FDFT1: variants seen among roughly 807,000 people sequenced by gnomAD.
FDFT1 encodes the protein farnesyl-diphosphate farnesyltransferase 1.
In FDFT1, 68 loss-of-function variants were observed where a neutral mutation model predicts 46.8. The observed-to-expected ratio is 1.45, with a 90% confidence interval of 1.19 to 1.78. FDFT1 has a LOEUF of 1.78. Among genes scored for constraint, FDFT1 ranks in the 40% most tolerant of loss-of-function variants. FDFT1 has a pLI of 0.00. For synonymous variants in FDFT1, 351 were observed against 185.1 expected (o/e 1.90, Z -7.28); for missense variants, 928 against 524.4 (o/e 1.77, Z -7.52).
chr8:11,826,513 C>G (rs953861470), intron 5 of FDFT1, among the ~76,000 whole-genome samples: 1 of 152,156 alleles, frequency 6.6e-6, no homozygotes, highest in Non-Finnish European at 1.5e-5. Context: ...ACAAAAAGTT[C>G]TTAGGAATGG....
rs114312743 is a variant in FDFT1, at chr8:11,806,626, G to A, written c.100-2168G>A. 9.6e-4 allele frequency among the ~76,000 whole-genome samples: 146 copies of A among 152,212 alleles called. 1 individual carries two copies. Among genetic ancestry groups the A allele is most frequent in the African/African-American group, 3.5e-3 (144 of 41,524 alleles). On this transcript the variant is annotated intron_variant, in intron 1 of 7. Coordinates refer to ENST00000220584, the MANE Select transcript of FDFT1 (RefSeq NM_004462.5). ...GAAACTCCTGGCTTAACATCACCCC[G>A]AAACTGTTAGTTGGACTGAACATGA... is the stretch of plus-strand genomic sequence containing the variant.
chr8:11,839,243 C>T lies in FDFT1; in HGVS notation c.*634C>T, dbSNP rs1456947963. ...TTTTGACCTTTTAGAAGATTGGTCT[C>T]CAGTAAAGGTGGACATTTTTGAGAT... On this transcript the variant is annotated 3_prime_UTR_variant, in exon 8 of 8. Coordinates refer to ENST00000220584, the MANE Select transcript of FDFT1 (RefSeq NM_004462.5). The T allele has an allele frequency of 6.6e-6, 1 of 152,374 alleles. No homozygotes were observed. 9.4% of individuals were successfully genotyped at this position (152,374 alleles called of 1,614,324 possible).
upstream of FDFT1, among the ~76,000 whole-genome samples, chr8:11,798,309 A>G (rs1805770564): frequency 6.6e-6 from 1 of 152,118 alleles, no homozygotes; most frequent in East Asian, 1.9e-4. Flanking sequence ...ATCCGCCTGC[A>G]TTGGTCTTCC....
chr8:11,805,332 A>G (rs567358133), intron 1 of FDFT1, among the ~76,000 whole-genome samples: 1 of 152,226 alleles, frequency 6.6e-6, no homozygotes, highest in Non-Finnish European at 1.5e-5. Context: ...CTTGATTTAC[A>G]CTGAATTTTT....
chr8:11,817,299 A>C (rs866036811), intron 3 of FDFT1, among the ~76,000 whole-genome samples: 37 of 152,242 alleles, frequency 2.4e-4, no homozygotes, highest in African/African-American at 6.8e-4. Context: ...TTTCGCATCA[A>C]CGTTCATCAG....
intron 4 of FDFT1, among the ~76,000 whole-genome samples, chr8:11,823,032 G>A (rs151207445): frequency 0.014 from 2,087 of 152,166 alleles, 52 homozygotes; most frequent in African/African-American, 0.046. Flanking sequence ...ACGGCTCCCC[G>A]CAGCCTCAAC....
At chr8:11,801,636 A>G, upstream of FDFT1, 1 of 216,740 alleles carries the variant, frequency 4.6e-6, no homozygotes, top group Non-Finnish European at 9.3e-6. Flanking sequence ...GACAGGTTTT[A>G]AAAGGATTAC....
At position 11,821,785 on chromosome 8, in the gene FDFT1, C is replaced by T; in HGVS notation, c.417C>T (p.Tyr139=). ...AGTTTAGAAATCTGGCTGAGAAATA[C>T]CAAACAGTGATTGCCGACATTTGCC... The part of the protein sequence containing the change: ...SLEFRNLAEK[Y]QTVIADICRR... The change falls in exon 4 of 8, where the codon TAC becomes TAT. Residue 139 remains tyrosine (Y), a synonymous_variant. Coordinates refer to ENST00000220584, the MANE Select transcript of FDFT1 (RefSeq NM_004462.5). 1.9e-6 allele frequency: 3 copies of T among 1,613,512 alleles called. No individual in the cohort carries two copies. The highest frequency in any genetic ancestry group is 2.5e-6 in the Non-Finnish European group (3 of 1,179,592).
chr8:11,820,772 T>TCACGC (rs1468778232), intron 3 of FDFT1, among the ~76,000 whole-genome samples: 1 of 152,184 alleles, frequency 6.6e-6, no homozygotes, highest in East Asian at 1.9e-4. Flanking sequence ...GTACAGTCAC[T>TCACGC]CACGCCTTTC....
chr8:11,802,709 A>G (rs2066324681), upstream of FDFT1: 5 of 748,418 alleles, frequency 6.7e-6, no homozygotes, highest in African/African-American at 5.3e-5. Context: ...GCGTCGCCGT[A>G]CTAGGCCTGC....
chr8:11,815,763 A>ATAC (rs573936807), intron 3 of FDFT1, among the ~76,000 whole-genome samples: 173 of 152,222 alleles, frequency 1.1e-3, no homozygotes, highest in African/African-American at 4.0e-3. Flanking sequence ...TAGATTCTGG[A>ATAC]TACTACCCTT....
chr8:11,824,316 C>T (rs17756892), intron 4 of FDFT1, among the ~76,000 whole-genome samples: 80,235 of 151,450 alleles, frequency 0.53, 22,580 homozygotes, highest in East Asian at 0.78. Flanking sequence ...ATTGCTGTCG[C>T]GGAAAAAAAA....
intron 3 of FDFT1, among the ~76,000 whole-genome samples, chr8:11,810,718 C>T (rs114944193): frequency 0.013 from 2,051 of 152,130 alleles, 47 homozygotes; most frequent in African/African-American, 0.047. Context: ...TCTTCCATAT[C>T]TTATAAATAA....
At chr8:11,797,992 T>G (rs1355457813), upstream of FDFT1, 1 of 152,284 alleles carries the variant, frequency 6.6e-6, no homozygotes. Context: ...GCCAGAAGGC[T>G]TGATTTCCTT....
chr8:11,814,714 C>G (rs190336820), intron 3 of FDFT1, among the ~76,000 whole-genome samples: 26 of 152,206 alleles, frequency 1.7e-4, no homozygotes, highest in African/African-American at 5.8e-4. Flanking sequence ...GGCAGCATGC[C>G]TCATACTGAG....
upstream of FDFT1, chr8:11,802,099 C>A: frequency 4.4e-6 from 2 of 455,006 alleles, no homozygotes; most frequent in Admixed American, 4.7e-5. Context: ...TAAGCTGGAT[C>A]TCAAGTAAAC....
chr8:11,813,005 T>A (rs1807948823), intron 3 of FDFT1, among the ~76,000 whole-genome samples: 1 of 151,400 alleles, frequency 6.6e-6, no homozygotes, highest in Admixed American at 6.6e-5. Flanking sequence ...GCATAGCTAC[T>A]ACAGACGTAG....
intron 5 of FDFT1, among the ~76,000 whole-genome samples, chr8:11,826,711 A>T (rs1563330936): frequency 6.6e-6 from 1 of 152,180 alleles, no homozygotes; most frequent in African/African-American, 2.4e-5. Context: ...GCTACCTGGG[A>T]GGCTGAGGCA....
At chr8:11,814,140 G>A (rs1488612443) in intron 3 of FDFT1, among the ~76,000 whole-genome samples, 1 of 152,178 alleles carries the variant, frequency 6.6e-6, no homozygotes, top group Admixed American at 6.5e-5. Flanking sequence ...TGTGGAATGA[G>A]CAGAGTCCAA....
Sources: gnomAD v4.1 joint callset for allele counts (sites outside exome capture counted in the v4.1 genomes callset) on GRCh38, gnomAD v4.1.1 for gene constraint, MANE v1.5 for transcripts, NCBI Gene and HGNC (gene_info 2026-07-23, HGNC 2026-07-21) for gene names.